NLGN1: variants seen among roughly 807,000 people sequenced by gnomAD.
NLGN1 encodes neuroligin 1.
A neutral mutation model predicts 65.5 loss-of-function variants in NLGN1; 12 were observed. That is an observed-to-expected ratio of 0.18 (90% confidence interval 0.12 to 0.30). NLGN1 has a LOEUF of 0.30. NLGN1 is among the 10% of genes least tolerant of loss of function. NLGN1 has a pLI of 1.00. For missense variants in NLGN1, 750 were observed against 1,007.1 expected (o/e 0.74, Z 3.46); for synonymous variants, 350 against 359.5 (o/e 0.97, Z 0.30).
chr3:173,830,631 A>AT lies in NLGN1; in HGVS notation c.646+22804dup, dbSNP rs1222899422. Among the ~76,000 whole-genome samples, 102 of 152,314 alleles carry AT rather than the reference A, an allele frequency of 6.7e-4. 1 individual carries two copies. The highest frequency in any genetic ancestry group is 2.4e-3 in the African/African-American group (99 of 41,576). ...TACAATAAATGAAACTCATAAATAT[A>AT]TTTTTAAAAAATCTCTCTTGTGGCA... On this transcript the variant is annotated intron_variant, in intron 4 of 6. Coordinates refer to ENST00000457714, the Ensembl canonical transcript of NLGN1.
intron 4 of NLGN1, among the ~76,000 whole-genome samples, chr3:173,975,470 C>T (rs1717225090): frequency 6.6e-6 from 1 of 151,840 alleles, no homozygotes; most frequent in Non-Finnish European, 1.5e-5. Context: ...ATATTGATCA[C>T]AGAACAAAAA....
chr3:173,924,503 A>T (rs1742648790), intron 4 of NLGN1, among the ~76,000 whole-genome samples: 1 of 151,996 alleles, frequency 6.6e-6, no homozygotes, highest in Non-Finnish European at 1.5e-5. Context: ...GTATGCCTGT[A>T]GTCCAGCACT....
chr3:173,580,177 T>G (rs1235846629), intron 2 of NLGN1, among the ~76,000 whole-genome samples: 1 of 152,122 alleles, frequency 6.6e-6, no homozygotes. Flanking sequence ...AAAGCAACAA[T>G]GAAATACTTA....
At position 173,921,769 on chromosome 3, in the gene NLGN1, G is replaced by C. The variant is rs78521022; in HGVS notation, c.646+113937G>C. 1.0e-3 allele frequency among the ~76,000 whole-genome samples: 152 copies of C among 152,194 alleles called. 2 individuals carry two copies. The East Asian group carries it at 0.025, about 25-fold the overall frequency. Reference sequence around the variant, plus strand: ...TCCTTCTTCTACGTATAAAACCTTTGAAAATACGGTTATCAGAAATTGACA... The same window carrying C: ...TCCTTCTTCTACGTATAAAACCTTTCAAAATACGGTTATCAGAAATTGACA... On this transcript the variant is annotated intron_variant, in intron 4 of 6. Transcript: ENST00000457714.
chr3:173,852,335 A>G (rs11917481), intron 4 of NLGN1, among the ~76,000 whole-genome samples: 104,274 of 122,110 alleles, frequency 0.85, 44,927 homozygotes, highest in African/African-American at 0.89. Flanking sequence ...CAGCCTGGGC[A>G]ACAGAGCGAG....
At chr3:174,255,319 C>G (rs1745483161) in intron 4 of NLGN1, among the ~76,000 whole-genome samples, 1 of 150,440 alleles carries the variant, frequency 6.6e-6, no homozygotes, top group Admixed American at 6.7e-5. Context: ...CCTTGTAGTC[C>G]CAGTTACTCA....
chr3:174,220,081 A>G (rs1738355134), intron 4 of NLGN1, among the ~76,000 whole-genome samples: 2 of 88,566 alleles, frequency 2.3e-5, no homozygotes, highest in Admixed American at 2.6e-4. Context: ...GTCTAAAGAG[A>G]GAGACAACAC....
At position 173,636,012 on chromosome 3, in the gene NLGN1, C is replaced by T. The variant is rs184605176; in HGVS notation, c.493+30921C>T. 2.0e-3 allele frequency among the ~76,000 whole-genome samples: 300 copies of T among 152,112 alleles called. 3 individuals carry two copies. Among genetic ancestry groups the T allele is most frequent in the Non-Finnish European group, 3.5e-3 (235 of 67,972 alleles). ...GTAGTATATTTATTGGCCTTGCTAT[C>T]GAGGGTGGCAGTGTTTTATTTCCTG... On this transcript the variant is annotated intron_variant, in intron 3 of 6. Transcript: ENST00000457714.
intron 4 of NLGN1, among the ~76,000 whole-genome samples, chr3:173,849,336 A>G (rs990583686): frequency 2.0e-5 from 3 of 152,108 alleles, no homozygotes; most frequent in African/African-American, 7.2e-5. Flanking sequence ...ACATCCTGGG[A>G]TAAAATGTTT....
At chr3:174,076,873 T>G (rs2152542667) in intron 4 of NLGN1, among the ~76,000 whole-genome samples, 1 of 152,218 alleles carries the variant, frequency 6.6e-6, no homozygotes, top group African/African-American at 2.4e-5. Flanking sequence ...GCTGTTACTT[T>G]TAAAGGGTTA....
chr3:174,208,497 C>T (rs922619656), intron 4 of NLGN1, among the ~76,000 whole-genome samples: 3 of 152,088 alleles, frequency 2.0e-5, no homozygotes, highest in African/African-American at 7.2e-5. Flanking sequence ...CTTTAGAAAG[C>T]TAAGTCTAGG....
At chr3:173,421,318 C>A (rs1714999112) in intron 1 of NLGN1, among the ~76,000 whole-genome samples, 1 of 151,580 alleles carries the variant, frequency 6.6e-6, no homozygotes, top group Non-Finnish European at 1.5e-5. Context: ...GTAAGTTGCC[C>A]ATCTTTCCTT....
chr3:173,695,956 T>C (rs1766157042), intron 3 of NLGN1, among the ~76,000 whole-genome samples: 1 of 152,062 alleles, frequency 6.6e-6, no homozygotes, highest in African/African-American at 2.4e-5. Context: ...AGACTACAGG[T>C]GTGAGCCACC....
chr3:173,735,758 A>G (rs1773640848), intron 3 of NLGN1, among the ~76,000 whole-genome samples: 1 of 152,030 alleles, frequency 6.6e-6, no homozygotes, highest in Non-Finnish European at 1.5e-5. Flanking sequence ...AAGATTGACA[A>G]TTTGGTTAGA....
Position 173,789,797 on chromosome 3 carries a change from A to G in NLGN1, c.494-17883A>G, listed in dbSNP as rs1016217029. The G allele has an allele frequency of 2.5e-5, 12 of 473,188 alleles. No individual in the cohort carries two copies. The Admixed American group carries it at 2.7e-4, about 11-fold the overall frequency. 29.3% of individuals were successfully genotyped at this position (473,188 alleles called of 1,614,324 possible). On this transcript the variant is annotated intron_variant, in intron 3 of 6. Coordinates refer to ENST00000457714, the Ensembl canonical transcript of NLGN1. ...CATCCTTCCTTGGATTAAGCAATAA[A>G]CTAAAGTTCAAATTCAAACTTTCAT...
chr3:173,862,505 CAAAAAAAAAAAAAAA>C (rs10601211), intron 4 of NLGN1, among the ~76,000 whole-genome samples: 2 of 41,708 alleles, frequency 4.8e-5, no homozygotes, highest in Admixed American at 8.5e-4. Context: ...GACTCCGTCT[CAAAAAAAAAAAAAAA>C]AAAAAAAAAA....
intron 4 of NLGN1, among the ~76,000 whole-genome samples, chr3:174,043,886 T>A (rs1374130126): frequency 6.7e-6 from 1 of 150,334 alleles, no homozygotes; most frequent in Non-Finnish European, 1.5e-5. Context: ...TGGCAGAGGT[T>A]CTCCATGAGG....
At chr3:173,979,824 C>T (rs1718360199) in intron 4 of NLGN1, among the ~76,000 whole-genome samples, 1 of 152,006 alleles carries the variant, frequency 6.6e-6, no homozygotes, top group South Asian at 2.1e-4. Context: ...AGATTGTGAG[C>T]CCCTAGAGCA....
intron 2 of NLGN1, among the ~76,000 whole-genome samples, chr3:173,513,902 C>T (rs1000391584): frequency 1.3e-5 from 2 of 152,022 alleles, no homozygotes; most frequent in African/African-American, 4.8e-5. Context: ...GTGGTGGGCG[C>T]CTGTAATCCC....
Sources: gnomAD v4.1 joint callset for allele counts (sites outside exome capture counted in the v4.1 genomes callset) on GRCh38, gnomAD v4.1.1 for gene constraint, MANE v1.5 for transcripts, NCBI Gene and HGNC (gene_info 2026-07-23, HGNC 2026-07-21) for gene names.